The following ADARB2 variants were observed in gnomAD, a reference collection of about 807,000 sequenced individuals.
ADARB2 encodes the protein adenosine deaminase RNA specific B2 (inactive).
ADARB2 carries 25 observed loss-of-function variants against 62.2 expected under a neutral mutation model. The ratio of observed to expected loss-of-function variants is 0.40; its 90% CI spans 0.29 to 0.56. The LOEUF is 0.56. Ranked by LOEUF, ADARB2 falls within the 20% of genes least tolerant of loss-of-function variation. The pLI is 0.43. For missense variants in ADARB2, 1,071 were observed against 1,077.4 expected, an observed-to-expected ratio of 0.99 and a Z score of 0.08; for synonymous variants, 572 against 500.8, an observed-to-expected ratio of 1.14 and a Z score of -1.90.
At chr10:1,274,212 G>A (rs73592297) in intron 3 of ADARB2, among the ~76,000 whole-genome samples, 3,178 of 152,352 alleles carry the variant, frequency 0.021, 112 homozygotes, top group African/African-American at 0.072. Context: ...CAGGCGTCCT[G>A]GACTCCAGCC....
intron 3 of ADARB2, among the ~76,000 whole-genome samples, chr10:1,282,555 C>T (rs377489164): frequency 3.3e-5 from 5 of 152,218 alleles, no homozygotes; most frequent in East Asian, 3.8e-4. Flanking sequence ...AGACATACTT[C>T]TTTAACACTA....
At chr10:1,628,032 C>A (rs948264305) in intron 1 of ADARB2, among the ~76,000 whole-genome samples, 1 of 152,232 alleles carries the variant, frequency 6.6e-6, no homozygotes, top group African/African-American at 2.4e-5. Flanking sequence ...GGGCTTTCGC[C>A]CATCCCTCTG....
chr10:1,728,880 C>T (rs1238968257), intron 1 of ADARB2, among the ~76,000 whole-genome samples: 1 of 152,216 alleles, frequency 6.6e-6, no homozygotes, highest in Non-Finnish European at 1.5e-5. Context: ...TTCAGTATCA[C>T]TCAGGGCTGT....
chr10:1,517,054 C>T (rs994483943), intron 1 of ADARB2, among the ~76,000 whole-genome samples: 2 of 152,310 alleles, frequency 1.3e-5, no homozygotes, highest in South Asian at 4.1e-4. Context: ...GCGGTCGTGG[C>T]GTCAGGCCGC....
At chr10:1,205,078 C>G (rs1301131069) in intron 7 of ADARB2, among the ~76,000 whole-genome samples, 1 of 152,060 alleles carries the variant, frequency 6.6e-6, no homozygotes, top group Non-Finnish European at 1.5e-5. Context: ...CCTTAGGTCC[C>G]GGCCGCCATT....
chr10:1,353,044 T>C (rs1217659728), intron 3 of ADARB2, among the ~76,000 whole-genome samples: 2 of 152,230 alleles, frequency 1.3e-5, no homozygotes, highest in African/African-American at 4.8e-5. Context: ...AAATCTATCC[T>C]CAAGGAAATC....
intron 1 of ADARB2, among the ~76,000 whole-genome samples, chr10:1,648,903 A>C (rs1353066308): frequency 6.6e-6 from 1 of 152,196 alleles, no homozygotes; most frequent in African/African-American, 2.4e-5. Context: ...TGACGCTGAC[A>C]TTCAACAACT....
intron 1 of ADARB2, among the ~76,000 whole-genome samples, chr10:1,391,051 T>G (rs1832565285): frequency 6.6e-6 from 1 of 152,220 alleles, no homozygotes; most frequent in Admixed American, 6.5e-5. Context: ...AAGTTTAGTC[T>G]AAGATGAAAG....
chr10:1,354,475 T>A (rs1832174940), intron 3 of ADARB2, among the ~76,000 whole-genome samples: 1 of 151,748 alleles, frequency 6.6e-6, no homozygotes, highest in Non-Finnish European at 1.5e-5. Context: ...TCGCTGATTC[T>A]CTTTTTGGAC....
chr10:1,406,833 C>T (rs530431163), intron 1 of ADARB2, among the ~76,000 whole-genome samples: 3 of 152,276 alleles, frequency 2.0e-5, no homozygotes, highest in African/African-American at 4.8e-5. Context: ...CAGGACTGGA[C>T]GAGGATTGCC....
chr10:1,240,714 AC>A (rs113019065), intron 5 of ADARB2, among the ~76,000 whole-genome samples: 7 of 151,586 alleles, frequency 4.6e-5, no homozygotes, highest in East Asian at 1.9e-4. Context: ...CTGTCTGTGG[AC>A]CCCCCCAGCT....
intron 1 of ADARB2, among the ~76,000 whole-genome samples, chr10:1,696,443 TCTC>T (rs1434695410): frequency 8.5e-5 from 13 of 152,238 alleles, no homozygotes; most frequent in African/African-American, 2.4e-4. Flanking sequence ...ATATATGATT[TCTC>T]CTGTTTTTTT....
In ADARB2 at chr10:1,187,658, G is replaced by T. The variant is rs544359968; in HGVS notation, c.1865-2619C>A. Among the ~76,000 whole-genome samples the T allele has an allele frequency of 4.6e-5, 7 of 152,352 alleles. No homozygotes were observed. In the South Asian group the frequency reaches 1.4e-3, roughly 32 times the overall value. On this transcript the variant is annotated intron_variant, in intron 8 of 9. Coordinates refer to ENST00000381312, the MANE Select transcript of ADARB2 (RefSeq NM_018702.4). Reference sequence around the variant, plus strand: ...CCGTCTGACGGGGTTTCCTCCCAACGCTCCTGGCTGCCAGGCATGACGAGG... The same window carrying T: ...CCGTCTGACGGGGTTTCCTCCCAACTCTCCTGGCTGCCAGGCATGACGAGG...
chr10:1,302,586 A>G (rs1268180407), intron 3 of ADARB2, among the ~76,000 whole-genome samples: 3 of 152,168 alleles, frequency 2.0e-5, no homozygotes, highest in African/African-American at 7.2e-5. Flanking sequence ...GGCACAGACA[A>G]ACAAAAAGAC....
intron 1 of ADARB2, among the ~76,000 whole-genome samples, chr10:1,411,035 G>A (rs1429664343): frequency 6.6e-6 from 1 of 152,178 alleles, no homozygotes; most frequent in African/African-American, 2.4e-5. Flanking sequence ...GCTGGTGTCT[G>A]CGCTCCTCCC....
chr10:1,292,870 T>C (rs1022605320), intron 3 of ADARB2: 1 of 151,232 alleles, frequency 6.6e-6, no homozygotes, highest in Non-Finnish European at 1.5e-5. Context: ...CCAGAAATCA[T>C]TCTGGTTTCT....
rs936315383 is a variant in ADARB2, at chr10:1,737,388, T to G, written c.-238A>C. 35 of 493,166 alleles carry G rather than the reference T, an allele frequency of 7.1e-5. No individual in the cohort carries two copies. In the South Asian group the frequency reaches 9.1e-4, roughly 13 times the overall value. The allele number at this position is 493,166 out of a possible 1,614,324, so 30.5% of individuals were successfully genotyped here. ...TGGGCGCCTGGAGCGAGCTGCTCCC[T>G]GGTCAGGGAGGGCGGGGAAGGGCGC... On this transcript the variant is annotated 5_prime_UTR_variant, in exon 1 of 10. Coordinates refer to ENST00000381312, the MANE Select transcript of ADARB2 (RefSeq NM_018702.4).
chr10:1,186,601 C>A (rs749630969), intron 8 of ADARB2: 12 of 517,442 alleles, frequency 2.3e-5, no homozygotes, highest in South Asian at 1.4e-4. Context: ...GCCTTCCTGG[C>A]CTGCTGTCCT....
chr10:1,412,503 G>A (rs1328877919), intron 1 of ADARB2, among the ~76,000 whole-genome samples: 1 of 151,648 alleles, frequency 6.6e-6, no homozygotes, highest in African/African-American at 2.4e-5. Context: ...TTATTTTAAA[G>A]CAATTATATC....
Sources: allele counts gnomAD v4.1 joint callset (sites outside exome capture counted in the v4.1 genomes callset), GRCh38; gene constraint gnomAD v4.1.1; transcripts MANE v1.5; gene names NCBI Gene and HGNC (gene_info 2026-07-23, HGNC 2026-07-21).